Variants in EML1 observed in about 807,000 individuals in gnomAD.
EML1 encodes echinoderm microtubule-associated protein-like 1.
EML1 carries 27 observed loss-of-function variants against 110.4 expected under a neutral mutation model. That is an observed-to-expected ratio of 0.24 (90% CI 0.18 to 0.34). The LOEUF is 0.34. Ranked by LOEUF, EML1 falls within the 10% of genes least tolerant of loss-of-function variation. EML1 has a pLI of 1.00. For missense variants in EML1, 741 were observed against 1,030.9 expected (o/e 0.72, Z 3.85); for synonymous variants, 344 against 385.8 (o/e 0.89, Z 1.27).
At position 99,886,697 on chromosome 14, in the gene EML1, C is replaced by T. The variant is rs146081245; in HGVS notation, c.519-4502C>T. On this transcript the variant is annotated intron_variant, in intron 4 of 21. Coordinates refer to ENST00000262233, the MANE Select transcript of EML1 (RefSeq NM_004434.3). ...ACTTCTTACACATGTCACCACGTGT[C>T]GAAGACCTGCAAGATCTGGCCCCAG... 4.3e-4 allele frequency among the ~76,000 whole-genome samples: 66 copies of T among 152,278 alleles called. No homozygotes were observed. The East Asian group carries it at 4.8e-3, about 11-fold the overall frequency.
chr14:99,787,595 T>C (rs1336077599), intron 1 of EML1, among the ~76,000 whole-genome samples: 2 of 152,278 alleles, frequency 1.3e-5, no homozygotes, highest in Non-Finnish European at 2.9e-5. Flanking sequence ...TGAGATTCTA[T>C]ACTAACTGTA....
intron 5 of EML1, chr14:99,892,147 T>C: frequency 1.0e-6 from 1 of 985,340 alleles, no homozygotes. Context: ...AGCCCTTCTG[T>C]CTCTGTCTCC....
intron 1 of EML1, among the ~76,000 whole-genome samples, chr14:99,762,832 A>G (rs774215147): frequency 6.6e-6 from 1 of 152,222 alleles, no homozygotes; most frequent in African/African-American, 2.4e-5. Flanking sequence ...AACTAGAGAC[A>G]TGGAGAAACT....
Position 99,892,040 on chromosome 14 carries a change from G to C in EML1, c.547+813G>C, listed in dbSNP as rs1008317282. 8.4e-6 allele frequency: 5 copies of C among 594,428 alleles called. No homozygotes were observed. In the African/African-American group the frequency reaches 1.0e-4, roughly 12 times the overall value. The allele number at this position is 594,428 out of a possible 1,614,324, so 36.8% of individuals were successfully genotyped here. On this transcript the variant is annotated intron_variant, in intron 5 of 21. Coordinates refer to ENST00000262233, the MANE Select transcript of EML1 (RefSeq NM_004434.3). The stretch of plus-strand genomic sequence containing the variant: ...AACCGTGTCCAGATTTTAAGACTGG[G>C]GGGCAGGTCAGGTGTTGGCCTGCGG...
At chr14:99,802,490 T>G (rs1209011102) in intron 1 of EML1, among the ~76,000 whole-genome samples, 1 of 151,964 alleles carries the variant, frequency 6.6e-6, no homozygotes, top group Non-Finnish European at 1.5e-5. Flanking sequence ...TGATTCACCC[T>G]GGGCGGGGTG....
intron 9 of EML1, among the ~76,000 whole-genome samples, chr14:99,902,145 A>G (rs1157578036): frequency 6.6e-6 from 1 of 152,346 alleles, no homozygotes; most frequent in Admixed American, 6.5e-5. Flanking sequence ...TTAAGAAAAC[A>G]TTGAGTAAGC....
chr14:99,887,016 C>G (rs921434857), intron 4 of EML1, among the ~76,000 whole-genome samples: 2 of 152,228 alleles, frequency 1.3e-5, no homozygotes, highest in African/African-American at 2.4e-5. Context: ...GTTGACCGCA[C>G]TGGTGTCTGT....
At chr14:99,764,045 G>A (rs569168735) in intron 1 of EML1, among the ~76,000 whole-genome samples, 28 of 152,342 alleles carry the variant, frequency 1.8e-4, no homozygotes, top group Middle Eastern at 6.8e-3. Context: ...GGAGGAGACA[G>A]TTGGCTGCAG....
chr14:99,793,235 C>T, upstream of EML1: 1 of 649,750 alleles, frequency 1.5e-6, no homozygotes, highest in Non-Finnish European at 1.9e-6. Context: ...CGCCACGTCC[C>T]CCTCCCGGCC....
At chr14:99,794,961 C>T (rs1406499786) in intron 1 of EML1, among the ~76,000 whole-genome samples, 2 of 152,148 alleles carry the variant, frequency 1.3e-5, no homozygotes, top group African/African-American at 4.8e-5. Context: ...GACTTATAAT[C>T]AATCATATTT....
At chr14:99,838,918 C>CGCGCGTGTGT (rs3071409) in intron 1 of EML1, 2 of 33,644 alleles carry the variant, frequency 5.9e-5, no homozygotes, top group African/African-American at 1.7e-4. Context: ...CGCGCGCGCG[C>CGCGCGTGTGT]GTGTGTGTGT....
intron 1 of EML1, among the ~76,000 whole-genome samples, chr14:99,834,624 G>T (rs2058510941): frequency 6.6e-6 from 1 of 151,670 alleles, no homozygotes; most frequent in African/African-American, 2.4e-5. Flanking sequence ...GAGGGATATT[G>T]GTCTGTAGTT....
intron 1 of EML1, among the ~76,000 whole-genome samples, chr14:99,774,557 C>T (rs748661917): frequency 1.2e-4 from 18 of 152,210 alleles, no homozygotes; most frequent in African/African-American, 1.2e-4. Flanking sequence ...ATGCTTGGCA[C>T]GGGAGCAGCC....
At chr14:99,774,987 A>G (rs1007830129) in intron 1 of EML1, among the ~76,000 whole-genome samples, 2 of 152,244 alleles carry the variant, frequency 1.3e-5, no homozygotes, top group Non-Finnish European at 2.9e-5. Context: ...TAGTCCAGTG[A>G]TCAGAAAAAA....
rs2139936253 is a variant in EML1 at position 99,878,596 on chromosome 14, C to T, written c.495C>T (p.Ser165=). ...GCACAGGCTCCACCAGCAGCTCTTCCAGTGGCAAAAAGAACAGTGAAAGGT... is the reference window on the plus strand; with the variant it reads ...GCACAGGCTCCACCAGCAGCTCTTCTAGTGGCAAAAAGAACAGTGAAAGGT... ...RNRTGSTSSS[S]SGKKNSESKP... is the part of the protein sequence containing the mutation. Residue 165 remains serine, a synonymous_variant, in exon 4 of 22, where the codon TCC becomes TCT. Coordinates refer to ENST00000262233, the MANE Select transcript of EML1 (RefSeq NM_004434.3). 1.2e-6 allele frequency: 2 copies of T among 1,613,528 alleles called. No homozygotes were observed. The highest frequency in any genetic ancestry group is 4.5e-5 in the East Asian group (2 of 44,854).
chr14:99,822,937 C>A (rs1307047911), intron 1 of EML1, among the ~76,000 whole-genome samples: 4 of 152,218 alleles, frequency 2.6e-5, no homozygotes, highest in African/African-American at 9.6e-5. Flanking sequence ...GCCTGCTTTG[C>A]CCCACCAGAC....
intron 17 of EML1, among the ~76,000 whole-genome samples, chr14:99,924,408 T>A (rs957460480): frequency 7.2e-5 from 11 of 152,232 alleles, no homozygotes; most frequent in African/African-American, 2.7e-4. Context: ...AAATGCTAAG[T>A]GTACTATGTT....
Position 99,774,189 on chromosome 14 carries a change from G to T in EML1, c.-27+176G>T, listed in dbSNP as rs546247249. On this transcript the variant is annotated intron_variant, in intron 1 of 22. Coordinates refer to the EML1 transcript ENST00000327921. Reference sequence around the variant, plus strand: ...AGGGAGGGAGGGAGGATGACAGAGAGCTCCAAGCAAAGAGCAGAGGGGTTG... The same window carrying T: ...AGGGAGGGAGGGAGGATGACAGAGATCTCCAAGCAAAGAGCAGAGGGGTTG... 2.0e-5 allele frequency among the ~76,000 whole-genome samples: 3 copies of T among 152,278 alleles called. No homozygotes were observed. The East Asian group carries it at 5.8e-4, about 30-fold the overall frequency.
intron 1 of EML1, among the ~76,000 whole-genome samples, chr14:99,798,579 A>G (rs528416315): frequency 6.6e-6 from 1 of 152,112 alleles, no homozygotes; most frequent in African/African-American, 2.4e-5. Flanking sequence ...TTTAGTAGAA[A>G]TGGGGTTTCA....
Sources: gnomAD v4.1 joint callset for allele counts (sites outside exome capture counted in the v4.1 genomes callset) on GRCh38, gnomAD v4.1.1 for gene constraint, MANE v1.5 for transcripts, NCBI Gene and HGNC (gene_info 2026-07-23, HGNC 2026-07-21) for gene names.